CATSPERT: variants seen among roughly 807,000 people sequenced by gnomAD.
CATSPERT encodes the protein cation channel sperm-associated targeting subunit tau.
the CATSPERT span, among the ~76,000 whole-genome samples, chr2:201,525,629 T>C: frequency 8.4e-4 from 127 of 152,018 alleles, no homozygotes; most frequent in Non-Finnish European, 1.2e-4. Context: ...AGAGCTGAAC[T>C]GAACAAAATG....
chr2:201,494,383 G>A, the CATSPERT span: 1 of 1,537,234 alleles, frequency 6.5e-7, no homozygotes, highest in Admixed American at 2.0e-5. Context: ...GAGGTGACAT[G>A]TGTTTGCCTG....
the CATSPERT span, chr2:201,536,049 A>G: frequency 6.2e-7 from 1 of 1,613,146 alleles, no homozygotes; most frequent in South Asian, 1.1e-5. Flanking sequence ...TGCTTTTAAA[A>G]TGCTTGGATA....
At chr2:201,581,532 C>A in the CATSPERT span, among the ~76,000 whole-genome samples, 7 of 32,056 alleles carry the variant, frequency 2.2e-4, no homozygotes, top group Non-Finnish European at 3.0e-4. Context: ...ATAAAATATT[C>A]TGGAAAAAAA....
chr2:201,616,940 A>G, the CATSPERT span, among the ~76,000 whole-genome samples: 1 of 152,248 alleles, frequency 6.6e-6, no homozygotes, highest in Non-Finnish European at 1.5e-5. Context: ...CCAAATCATG[A>G]GGGAACTCCC....
the CATSPERT span, among the ~76,000 whole-genome samples, chr2:201,542,533 T>C: frequency 6.6e-6 from 1 of 152,206 alleles, no homozygotes; most frequent in African/African-American, 2.4e-5. Context: ...CCAACACTTG[T>C]TGACTTTTCA....
At chr2:201,560,721 G>T in the CATSPERT span, among the ~76,000 whole-genome samples, 1 of 151,690 alleles carries the variant, frequency 6.6e-6, no homozygotes, top group Non-Finnish European at 1.5e-5. Flanking sequence ...GAACAAACTT[G>T]GAAGAGGACC....
chr2:201,610,335 G>A, the CATSPERT span, among the ~76,000 whole-genome samples: 2 of 152,022 alleles, frequency 1.3e-5, no homozygotes, highest in Non-Finnish European at 2.9e-5. Context: ...GCGGGCGCCT[G>A]TAGTCTCAGC....
chr2:201,513,185 G>A, the CATSPERT span, among the ~76,000 whole-genome samples: 2 of 151,606 alleles, frequency 1.3e-5, no homozygotes, highest in South Asian at 2.1e-4. Flanking sequence ...CACAAACTAC[G>A]AGTCTGACAA....
the CATSPERT span, chr2:201,558,370 A>G: frequency 6.6e-6 from 1 of 152,280 alleles, no homozygotes; most frequent in Non-Finnish European, 1.5e-5. Flanking sequence ...GGACCAATGC[A>G]CTGAATAAAC....
At chr2:201,515,201 AGTTTTTTTTTTTT>A in the CATSPERT span, among the ~76,000 whole-genome samples, 25 of 70,214 alleles carry the variant, frequency 3.6e-4, 5 homozygotes, top group African/African-American at 1.1e-3. Flanking sequence ...ATCTGCCCAT[AGTTTTTTTTTTTT>A]TTTTTTTTTT....
At chr2:201,612,203 A>T in the CATSPERT span, among the ~76,000 whole-genome samples, 1 of 152,188 alleles carries the variant, frequency 6.6e-6, no homozygotes, top group Non-Finnish European at 1.5e-5. Flanking sequence ...AGACTCTAAC[A>T]AGTTAAATAA....
chr2:201,617,348 A>G, the CATSPERT span, among the ~76,000 whole-genome samples: 4 of 152,234 alleles, frequency 2.6e-5, no homozygotes, highest in Non-Finnish European at 5.9e-5. Context: ...TGGTACTGGT[A>G]CCAAAACAGA....
the CATSPERT span, among the ~76,000 whole-genome samples, chr2:201,566,475 G>A: frequency 1.3e-5 from 2 of 151,046 alleles, no homozygotes; most frequent in African/African-American, 2.4e-5. Flanking sequence ...TTGTCCTTGC[G>A]ATAGTTTGCT....
chr2:201,542,383 C>T, the CATSPERT span, among the ~76,000 whole-genome samples: 1 of 152,098 alleles, frequency 6.6e-6, no homozygotes. Flanking sequence ...TGGATAGACA[C>T]CCAGAAGTGA....
chr2:201,504,925 G>C, the CATSPERT span, among the ~76,000 whole-genome samples: 2 of 152,132 alleles, frequency 1.3e-5, no homozygotes, highest in East Asian at 1.9e-4. Flanking sequence ...AGGACCCCCT[G>C]GTCTCAGATT....
chr2:201,535,056 T>A, the CATSPERT span: 1 of 825,586 alleles, frequency 1.2e-6, no homozygotes, highest in Non-Finnish European at 1.5e-6. Flanking sequence ...CTTTTACATT[T>A]CTCTCCATTT....
the CATSPERT span, chr2:201,554,553 T>C: frequency 1.3e-3 from 203 of 152,282 alleles, no homozygotes; most frequent in African/African-American, 4.6e-3. Context: ...TTAGTTTTTT[T>C]CTCCAACTCA....
the CATSPERT span, among the ~76,000 whole-genome samples, chr2:201,517,102 C>G: frequency 6.6e-6 from 1 of 152,076 alleles, no homozygotes; most frequent in African/African-American, 2.4e-5. Flanking sequence ...AACCATAAAA[C>G]TTTGTGTCCT....
At chr2:201,561,945 T>A in the CATSPERT span, among the ~76,000 whole-genome samples, 2 of 152,092 alleles carry the variant, frequency 1.3e-5, no homozygotes, top group South Asian at 4.2e-4. Context: ...ACTTTTCTTA[T>A]AATAAAATTC....
Sources: gnomAD v4.1 joint callset for allele counts (sites outside exome capture counted in the v4.1 genomes callset) on GRCh38, gnomAD v4.1.1 for gene constraint, MANE v1.5 for transcripts, NCBI Gene and HGNC (gene_info 2026-07-23, HGNC 2026-07-21) for gene names.